TCF4: variants seen among roughly 807,000 people sequenced by gnomAD.
TCF4 encodes the protein SL3-3 enhancer factor 2.
A neutral mutation model predicts 82.1 loss-of-function variants in TCF4; 3 were observed. That is an observed-to-expected ratio of 0.04 (90% confidence interval 0.02 to 0.09). TCF4 has a LOEUF of 0.09. TCF4 is among the 10% of genes least tolerant of loss of function. The pLI, the probability that TCF4 is intolerant of heterozygous loss-of-function variation, is 1.00. For missense variants in TCF4, 518 were observed against 852.7 expected (o/e 0.61, Z 4.89); for synonymous variants, 276 against 309.6 (o/e 0.89, Z 1.14).
chr18:55,288,894 C>T (rs2064344146), intron 8 of TCF4, among the ~76,000 whole-genome samples: 1 of 152,234 alleles, frequency 6.6e-6, no homozygotes, highest in South Asian at 2.1e-4. Context: ...TGATTAAAAA[C>T]CACCATGTTA....
In TCF4 at chr18:55,365,966, T is replaced by TTATAGATATAGATATAGA. The variant is rs56944219; in HGVS notation, c.370-14981_370-14964dup. 1.7e-3 allele frequency among the ~76,000 whole-genome samples: 241 copies of TTATAGATATAGATATAGA among 145,288 alleles called. 1 individual carries two copies. Among genetic ancestry groups the TTATAGATATAGATATAGA allele is most frequent in the Non-Finnish European group, 3.0e-3 (198 of 65,760 alleles). ...TGGGACGAGCTAATTCTAAAATTGT[T>TTATAGATATAGATATAGA]TATAGATATAGATATAGATATAGAT... On this transcript the variant is annotated intron_variant, in intron 6 of 19. Transcript: ENST00000354452.
At chr18:55,497,500 G>A (rs914608590) in intron 3 of TCF4, among the ~76,000 whole-genome samples, 2 of 152,090 alleles carry the variant, frequency 1.3e-5, no homozygotes, top group Non-Finnish European at 2.9e-5. Flanking sequence ...TGCATAAGGG[G>A]ATACAATATT....
At position 55,333,770 on chromosome 18, in the gene TCF4, T is replaced by C. The variant is rs576742271; in HGVS notation, c.549+16589A>G. On this transcript the variant is annotated intron_variant, in intron 8 of 19. Coordinates refer to ENST00000354452, the MANE Select transcript of TCF4 (RefSeq NM_001083962.2). The stretch of plus-strand genomic sequence containing the variant: ...TCAAGACTGCAAGTTCACAGTGAAG[T>C]TGAAAGGCAGGACGAGGTTTATTTT... Among the ~76,000 whole-genome samples the C allele has an allele frequency of 2.9e-3, 443 of 152,328 alleles. 4 individuals carry two copies. The highest frequency in any genetic ancestry group is 4.6e-3 in the Non-Finnish European group (313 of 68,024).
intron 3 of TCF4, among the ~76,000 whole-genome samples, chr18:55,464,742 A>G (rs1350395101): frequency 1.3e-5 from 2 of 152,122 alleles, no homozygotes; most frequent in Non-Finnish European, 2.9e-5. Context: ...TTTAAACTAG[A>G]CATACCATTT....
chr18:55,360,904 T>C (rs896224305), intron 6 of TCF4, among the ~76,000 whole-genome samples: 5 of 151,710 alleles, frequency 3.3e-5, no homozygotes, highest in Non-Finnish European at 7.4e-5. Context: ...TTTTTGTATT[T>C]TTAGTTGAGA....
At chr18:55,238,090 C>A (rs915871974) in intron 15 of TCF4, among the ~76,000 whole-genome samples, 1 of 152,226 alleles carries the variant, frequency 6.6e-6, no homozygotes, top group Non-Finnish European at 1.5e-5. Context: ...AACTTAAATA[C>A]GTCATAATGT....
At chr18:55,243,652 A>G (rs2052079558) in intron 15 of TCF4, among the ~76,000 whole-genome samples, 2 of 152,060 alleles carry the variant, frequency 1.3e-5, no homozygotes, top group South Asian at 4.1e-4. Context: ...AGTTTCCCCA[A>G]TATCTCATGA....
rs570902863 is a variant in TCF4 at position 55,578,580 on chromosome 18, C to T, written c.145+6700G>A. Among the ~76,000 whole-genome samples the T allele has an allele frequency of 4.6e-5, 7 of 152,072 alleles. No individual in the cohort carries two copies. The East Asian group carries it at 7.7e-4, about 17-fold the overall frequency. On this transcript the variant is annotated intron_variant, in intron 3 of 19. Coordinates refer to ENST00000354452, the MANE Select transcript of TCF4 (RefSeq NM_001083962.2). Reference sequence around the variant, plus strand: ...AAACTTTTTATAGCAGAAAAGTTGACGGATTTTGTATTTCAGCTAAAATTA... The same window carrying T: ...AAACTTTTTATAGCAGAAAAGTTGATGGATTTTGTATTTCAGCTAAAATTA...
At chr18:55,397,035 G>C (rs910485628) in intron 6 of TCF4, among the ~76,000 whole-genome samples, 1 of 152,124 alleles carries the variant, frequency 6.6e-6, no homozygotes, top group African/African-American at 2.4e-5. Context: ...AAAACTATTA[G>C]GTCAAAGGTT....
chr18:55,517,755 C>T (rs1430363110), intron 3 of TCF4, among the ~76,000 whole-genome samples: 3 of 152,026 alleles, frequency 2.0e-5, no homozygotes, highest in Non-Finnish European at 4.4e-5. Context: ...ATCCTCAGTG[C>T]AAGCAAAGCT....
intron 8 of TCF4, among the ~76,000 whole-genome samples, chr18:55,296,796 T>G (rs958255172): frequency 6.6e-6 from 1 of 152,130 alleles, no homozygotes; most frequent in Admixed American, 6.5e-5. Context: ...GAGCTCCTAA[T>G]TGAAAAAATT....
intron 13 of TCF4, chr18:55,259,637 C>T (rs947292220): frequency 1.4e-5 from 4 of 283,810 alleles, no homozygotes; most frequent in African/African-American, 2.2e-5. Flanking sequence ...TCATCTGAGA[C>T]GTTTTATTGG....
chr18:55,552,568 AAGGCC>A (rs1334200831), intron 3 of TCF4, among the ~76,000 whole-genome samples: 1 of 152,234 alleles, frequency 6.6e-6, no homozygotes, highest in Non-Finnish European at 1.5e-5. Context: ...AAGAGGAGAA[AAGGCC>A]AGGCCACGGG....
chr18:55,614,970 G>C (rs2097710438), intron 2 of TCF4, among the ~76,000 whole-genome samples: 1 of 152,006 alleles, frequency 6.6e-6, no homozygotes, highest in Admixed American at 6.6e-5. Flanking sequence ...TTATGATTTT[G>C]CTTAAGGATA....
At chr18:55,399,544 G>T (rs919952982) in intron 6 of TCF4, among the ~76,000 whole-genome samples, 4 of 152,148 alleles carry the variant, frequency 2.6e-5, no homozygotes, top group Admixed American at 1.3e-4. Context: ...TCTATATAAA[G>T]ATTTGAAGAT....
intron 15 of TCF4, among the ~76,000 whole-genome samples, chr18:55,238,393 T>A (rs2050185432): frequency 6.6e-6 from 1 of 152,180 alleles, no homozygotes; most frequent in Admixed American, 6.5e-5. Flanking sequence ...GAGAATGCAT[T>A]TACTAATTTA....
chr18:55,254,097 A>G (rs2056090074), intron 15 of TCF4, among the ~76,000 whole-genome samples: 1 of 152,230 alleles, frequency 6.6e-6, no homozygotes, highest in Non-Finnish European at 1.5e-5. Flanking sequence ...TGCAACAGTC[A>G]TGCTAAGTAA....
chr18:55,368,260 A>C (rs1036683869), intron 6 of TCF4, among the ~76,000 whole-genome samples: 4 of 152,140 alleles, frequency 2.6e-5, no homozygotes, highest in Admixed American at 2.0e-4. Context: ...ACGTGCCTGT[A>C]ATCCCAGCTA....
chr18:55,504,468 C>A (rs1278466167), intron 3 of TCF4, among the ~76,000 whole-genome samples: 1 of 152,208 alleles, frequency 6.6e-6, no homozygotes, highest in Non-Finnish European at 1.5e-5. Flanking sequence ...AAAGTTATCA[C>A]ATGCTAATAA....
Sources: allele counts gnomAD v4.1 joint callset (sites outside exome capture counted in the v4.1 genomes callset), GRCh38; gene constraint gnomAD v4.1.1; transcripts MANE v1.5; gene names NCBI Gene and HGNC (gene_info 2026-07-23, HGNC 2026-07-21).